Variants in CCDC3 observed in about 807,000 individuals in gnomAD.
The protein encoded by CCDC3 is coiled-coil domain-containing protein 3.
In CCDC3, 24 loss-of-function variants were observed where a neutral mutation model predicts 21.4. That is an observed-to-expected ratio of 1.12 (90% CI 0.81 to 1.58). The LOEUF (loss-of-function observed/expected upper bound fraction) is 1.58, where lower values mean the gene tolerates loss of function less well. Among genes scored for constraint, CCDC3 ranks in the 40% most tolerant of loss-of-function variants. The pLI is 0.00. For synonymous variants in CCDC3, 186 were observed against 166.0 expected, an observed-to-expected ratio of 1.12 and a Z score of -0.93; for missense variants, 425 against 360.9, an observed-to-expected ratio of 1.18 and a Z score of -1.44.
intron 5 of CCDC3, among the ~76,000 whole-genome samples, chr10:13,019,911 G>T (rs540973460): frequency 3.0e-4 from 45 of 152,136 alleles, no homozygotes; most frequent in African/African-American, 1.0e-3. Context: ...CAGAAGAATC[G>T]CTTGAAACCT....
chr10:12,947,885 G>A (rs758213781), intron 2 of CCDC3, among the ~76,000 whole-genome samples: 2 of 152,186 alleles, frequency 1.3e-5, no homozygotes, highest in Non-Finnish European at 2.9e-5. Flanking sequence ...TATTAGCATT[G>A]TCCCTCAGCT....
At chr10:12,989,502 A>C (rs949940086) in intron 2 of CCDC3, among the ~76,000 whole-genome samples, 4 of 152,122 alleles carry the variant, frequency 2.6e-5, no homozygotes, top group African/African-American at 9.7e-5. Flanking sequence ...GCTCACTGCA[A>C]ACTCCACCTC....
intron 2 of CCDC3, among the ~76,000 whole-genome samples, chr10:12,902,903 A>G (rs74120713): frequency 0.13 from 19,161 of 152,134 alleles, 1,433 homozygotes; most frequent in East Asian, 0.27. Flanking sequence ...CTTGAAGTGC[A>G]TCTGTGTGTG....
chr10:13,077,474 A>G (rs1363238547), intron 3 of CCDC3, among the ~76,000 whole-genome samples: 1 of 152,208 alleles, frequency 6.6e-6, no homozygotes, highest in African/African-American at 2.4e-5. Context: ...CCATTAAGCT[A>G]CCAATGACTT....
rs561009342 is a variant in CCDC3, at chr10:12,924,901, A to G, written c.550-26222T>C. On this transcript the variant is annotated intron_variant, in intron 2 of 2. Coordinates refer to ENST00000378825, the MANE Select transcript of CCDC3 (RefSeq NM_031455.4). ...AGGGACAGTGAAAAAAGAATGGAAG[A>G]AAATAAAGTGCGAGTAGTTAGAGAA... 2.6e-5 allele frequency: 4 copies of G among 152,354 alleles called. No individual in the cohort carries two copies. In the South Asian group the frequency reaches 8.3e-4, roughly 32 times the overall value. The allele number at this position is 152,354 out of a possible 1,614,324, so 9.4% of individuals were successfully genotyped here. A position where few individuals can be genotyped will look rare whatever the true frequency, so the allele number is the denominator to read the frequency against.
intron 4 of CCDC3, among the ~76,000 whole-genome samples, chr10:13,065,957 T>C (rs773433592): frequency 7.9e-5 from 12 of 152,108 alleles, no homozygotes; most frequent in Non-Finnish European, 1.5e-4. Flanking sequence ...AACGAATGAG[T>C]GGGAAGTGAG....
At chr10:13,049,550 T>G (rs1343594737) in intron 5 of CCDC3, 1 of 152,126 alleles carries the variant, frequency 6.6e-6, no homozygotes, top group Admixed American at 6.5e-5. Flanking sequence ...CTGGAATAAA[T>G]GAGATGAAGA....
At chr10:13,058,860 G>T (rs1162983651) in intron 4 of CCDC3, among the ~76,000 whole-genome samples, 1 of 152,214 alleles carries the variant, frequency 6.6e-6, no homozygotes, top group Non-Finnish European at 1.5e-5. Flanking sequence ...AAGTCCCGCA[G>T]CTAATTAATA....
At chr10:12,986,502 C>T (rs1414969148) in intron 2 of CCDC3, among the ~76,000 whole-genome samples, 2 of 152,114 alleles carry the variant, frequency 1.3e-5, no homozygotes, top group Admixed American at 6.6e-5. Flanking sequence ...AGGCCGGGCA[C>T]AGTGGTTCAC....
chr10:13,010,395 T>C, intron 5 of CCDC3, among the ~76,000 whole-genome samples: 1 of 152,132 alleles, frequency 6.6e-6, no homozygotes, highest in East Asian at 1.9e-4. Context: ...CATTAGTCAC[T>C]AGGGAAACTC....
chr10:12,917,447 C>T lies in CCDC3; in HGVS notation c.550-18768G>A, dbSNP rs1053557856. ...TCCTGACCTCGTGATCCGCCCACCT[C>T]GGCCTCCCAAAGTGCTGGGATTACA... On this transcript the variant is annotated intron_variant, in intron 2 of 2. Transcript: ENST00000378825. 2.2e-4 allele frequency among the ~76,000 whole-genome samples: 34 copies of T among 152,012 alleles called. 1 individual carries two copies. Among genetic ancestry groups the T allele is most frequent in the African/African-American group, 4.8e-5 (2 of 41,384 alleles).
intron 1 of CCDC3, 125 bp from the exon 2 acceptor site, chr10:12,998,637 T>C (rs576502490): frequency 2.6e-6 from 2 of 769,322 alleles, no homozygotes; most frequent in East Asian, 2.6e-5. Context: ...ATGGCTCTCA[T>C]TAGAGGAGTT....
At chr10:12,929,261 C>CAAA (rs10609537) in intron 2 of CCDC3, among the ~76,000 whole-genome samples, 4 of 104,582 alleles carry the variant, frequency 3.8e-5, no homozygotes, top group Non-Finnish European at 7.7e-5. Context: ...GATTCCATCT[C>CAAA]AAAAAAAAAA....
chr10:12,952,674 G>C (rs1454450192), intron 2 of CCDC3, among the ~76,000 whole-genome samples: 1 of 152,060 alleles, frequency 6.6e-6, no homozygotes, highest in Non-Finnish European at 1.5e-5. Context: ...TTATGACTTG[G>C]TGACACTGCA....
At chr10:12,931,340 C>T (rs1002143361) in intron 2 of CCDC3, among the ~76,000 whole-genome samples, 1 of 151,780 alleles carries the variant, frequency 6.6e-6, no homozygotes, top group Non-Finnish European at 1.5e-5. Flanking sequence ...TTACAATGTA[C>T]AGCAGATGGG....
At chr10:13,014,193 C>T (rs825415) in intron 5 of CCDC3, among the ~76,000 whole-genome samples, 98,339 of 151,104 alleles carry the variant, frequency 0.65, 32,300 homozygotes, top group East Asian at 0.74. Flanking sequence ...GTGGCTCATG[C>T]CTATAATCCC....
intron 2 of CCDC3, among the ~76,000 whole-genome samples, chr10:12,985,274 C>A (rs1018576806): frequency 2.6e-5 from 4 of 152,214 alleles, no homozygotes; most frequent in African/African-American, 9.6e-5. Context: ...ATAGTAATTA[C>A]ACCGAATGCT....
At chr10:12,975,225 T>C (rs906052248) in intron 2 of CCDC3, among the ~76,000 whole-genome samples, 2 of 152,156 alleles carry the variant, frequency 1.3e-5, no homozygotes, top group African/African-American at 4.8e-5. Context: ...ATGTCTTCTG[T>C]GTAGGGTCTT....
At chr10:12,932,163 A>G (rs563073498) in intron 2 of CCDC3, among the ~76,000 whole-genome samples, 50 of 152,182 alleles carry the variant, frequency 3.3e-4, no homozygotes, top group Non-Finnish European at 5.7e-4. Context: ...TAAATATTTC[A>G]TTCTGGGGAG....
Sources: allele counts gnomAD v4.1 joint callset (sites outside exome capture counted in the v4.1 genomes callset), GRCh38; gene constraint gnomAD v4.1.1; transcripts MANE v1.5; gene names NCBI Gene and HGNC (gene_info 2026-07-23, HGNC 2026-07-21).